ACSM3: variants seen among roughly 807,000 people sequenced by gnomAD.
The protein encoded by ACSM3 is acyl-coenzyme A synthetase ACSM3, mitochondrial.
ACSM3 carries 61 observed loss-of-function variants against 74.1 expected under a neutral mutation model. That is an observed-to-expected ratio of 0.82 (90% CI 0.67 to 1.02). The LOEUF (loss-of-function observed/expected upper bound fraction) is 1.02. Ranked by LOEUF, ACSM3 falls within the 50% of genes least tolerant of loss-of-function variation. The pLI, the probability that ACSM3 is intolerant of heterozygous loss-of-function variation, is 0.00. For synonymous variants in ACSM3, 213 were observed against 241.5 expected (o/e 0.88, Z 1.09); for missense variants, 660 against 697.0 (o/e 0.95, Z 0.60).
chr16:20,678,823 G>A (rs1279530706), intron 1 of ACSM3, among the ~76,000 whole-genome samples: 1 of 152,156 alleles, frequency 6.6e-6, no homozygotes, highest in Non-Finnish European at 1.5e-5. Context: ...CTCATCAAAG[G>A]TAGGATCAGG....
At chr16:20,726,724 T>C (rs1437378358) in intron 1 of ACSM3, among the ~76,000 whole-genome samples, 1 of 152,148 alleles carries the variant, frequency 6.6e-6, no homozygotes, top group African/African-American at 2.4e-5. Context: ...ACTCAAGATA[T>C]CCTTACTAAG....
chr16:20,750,977 T>A (rs1186204173), intron 2 of ACSM3, among the ~76,000 whole-genome samples: 1 of 150,680 alleles, frequency 6.6e-6, no homozygotes, highest in Non-Finnish European at 1.5e-5. Context: ...CCCAAGTAGC[T>A]GGGATTACAG....
At chr16:20,682,209 CACA>C (rs745792892) in intron 1 of ACSM3, 2 of 1,582,202 alleles carry the variant, frequency 1.3e-6, no homozygotes, top group Non-Finnish European at 1.7e-6. Flanking sequence ...TAAATTATCC[CACA>C]ACAACTGTAC....
At chr16:20,738,080 G>GA in intron 1 of ACSM3, 1 of 889,852 alleles carries the variant, frequency 1.1e-6, no homozygotes, top group Non-Finnish European at 1.7e-6. Context: ...AATTTTAAAT[G>GA]AATCTACCTA....
Position 20,770,252 on chromosome 16 carries a change from AG to A in ACSM3, c.219+1del. ...DVLDQWTDKE[K>X]AGKKPSNPAF... The stretch of plus-strand genomic sequence containing the variant: ...CTGGACCAATGGACTGATAAGGAAA[AG>A]GTATGGGGGGAGGGCCAGTCAGACC... On this transcript the variant is annotated frameshift_variant and splice_region_variant, in exon 2 of 14. Coordinates refer to ENST00000289416, the MANE Select transcript of ACSM3 (RefSeq NM_005622.4). LOFTEE classifies it high-confidence loss of function. 1 of 1,613,478 alleles carries A rather than the reference AG, an allele frequency of 6.2e-7. No individual in the cohort carries two copies. Among genetic ancestry groups the A allele is most frequent in the Non-Finnish European group, 8.5e-7 (1 of 1,179,426 alleles).
chr16:20,675,441 A>C (rs1437357716), intron 1 of ACSM3, among the ~76,000 whole-genome samples: 1 of 152,154 alleles, frequency 6.6e-6, no homozygotes, highest in Non-Finnish European at 1.5e-5. Context: ...GTGGCAGGGA[A>C]AGGCACGTTC....
chr16:20,778,501 C>G (rs1245152217), intron 4 of ACSM3, among the ~76,000 whole-genome samples: 1 of 152,172 alleles, frequency 6.6e-6, no homozygotes, highest in Admixed American at 6.5e-5. Context: ...GTGCCAGAAA[C>G]TATTCTAAGG....
chr16:20,676,396 A>C (rs2020278386), intron 1 of ACSM3, among the ~76,000 whole-genome samples: 2 of 152,248 alleles, frequency 1.3e-5, no homozygotes, highest in African/African-American at 2.4e-5. Context: ...AGCACCAGCC[A>C]GTTTTAAGAA....
chr16:20,796,625 A>G, intron 13 of ACSM3, 136 bp downstream of exon 13: 2 of 1,510,150 alleles, frequency 1.3e-6, no homozygotes, highest in Non-Finnish European at 1.8e-6. Context: ...CATATGGGTA[A>G]GAATCAGAAT....
In ACSM3 at chr16:20,713,518, T is replaced by G. The variant is rs182591847; in HGVS notation, c.-189-36392T>G. Among the ~76,000 whole-genome samples, 847 of 152,268 alleles carry G rather than the reference T, an allele frequency of 5.6e-3. 10 individuals carry two copies. The highest frequency in any genetic ancestry group is 0.019 in the African/African-American group (804 of 41,576). ...AAAAAATACAATTGTGCCACTGCAC[T>G]CCAGCCTGGGTGACAGAATGGAACC... On this transcript the variant is annotated intron_variant, in intron 1 of 3. Transcript: ENST00000561584.
At chr16:20,722,958 G>A (rs1019886611) in intron 1 of ACSM3, among the ~76,000 whole-genome samples, 2 of 152,124 alleles carry the variant, frequency 1.3e-5, no homozygotes, top group Non-Finnish European at 2.9e-5. Flanking sequence ...TGTTACATAT[G>A]TATACATGTG....
chr16:20,745,918 A>T (rs1439708179), intron 1 of ACSM3, among the ~76,000 whole-genome samples: 2 of 152,186 alleles, frequency 1.3e-5, no homozygotes, highest in Non-Finnish European at 2.9e-5. Flanking sequence ...GTTACCCAGC[A>T]TCTTCAGGGA....
At chr16:20,741,808 C>T in intron 1 of ACSM3, 6 of 1,543,378 alleles carry the variant, frequency 3.9e-6, no homozygotes, top group Non-Finnish European at 5.2e-6. Flanking sequence ...CTATCGCCGG[C>T]GCGAACTGGT....
Position 20,790,654 on chromosome 16 carries a change from C to A in ACSM3, c.1292C>A (p.Pro431His), listed in dbSNP as rs764482495. The part of the protein sequence containing the change: ...QEGDIGIQVL[P>H]NRPFGLFTHY... ...GGAGATATTGGCATTCAAGTTCTAC[C>A]CAACCGACCATTTGGCCTTTTTACT... is the stretch of plus-strand genomic sequence containing the variant. Residue 431 changes from proline (P) to histidine (H), a missense_variant, in exon 10 of 14, where the codon CCC (proline) becomes CAC (histidine). Transcript: ENST00000289416. The surrounding 1 kb of genome is among the most constrained non-coding windows in gnomAD (Gnocchi z 4.0). 5.6e-6 allele frequency: 9 copies of A among 1,614,046 alleles called. No homozygotes were observed. Among genetic ancestry groups the A allele is most frequent in the Non-Finnish European group, 6.8e-6 (8 of 1,179,976 alleles).
intron 1 of ACSM3, chr16:20,682,182 C>T (rs973040913): frequency 6.8e-7 from 1 of 1,460,510 alleles, no homozygotes; most frequent in Non-Finnish European, 9.5e-7. Flanking sequence ...CTCAACCCCA[C>T]TGGTCTCTCT....
At chr16:20,788,286 CTA>C (rs1250659363) in intron 9 of ACSM3, among the ~76,000 whole-genome samples, 1 of 152,086 alleles carries the variant, frequency 6.6e-6, no homozygotes, top group Non-Finnish European at 1.5e-5. Flanking sequence ...TGTAACACAG[CTA>C]TGTTCTTTTT....
chr16:20,796,280 G>T (rs1049544440), intron 12 of ACSM3, 90 bp from the exon 13 acceptor site: 22 of 1,539,188 alleles, frequency 1.4e-5, no homozygotes, highest in Non-Finnish European at 1.8e-5. Flanking sequence ...ACCCCACCAG[G>T]CATGTAGATT....
chr16:20,691,155 C>G, intron 1 of ACSM3: 1 of 1,610,228 alleles, frequency 6.2e-7, no homozygotes, highest in African/African-American at 1.3e-5. Flanking sequence ...TTGTGGATGC[C>G]CCAGAGGGTC....
chr16:20,730,233 C>T (rs1393918361), intron 1 of ACSM3, among the ~76,000 whole-genome samples: 1 of 152,234 alleles, frequency 6.6e-6, no homozygotes, highest in East Asian at 1.9e-4. Context: ...ACTGCATAAG[C>T]ATATGCAGAT....
Sources: allele counts gnomAD v4.1 joint callset (sites outside exome capture counted in the v4.1 genomes callset), GRCh38; gene constraint gnomAD v4.1.1; non-coding constraint Gnocchi (gnomAD v3.1); transcripts MANE v1.5; gene names NCBI Gene and HGNC (gene_info 2026-07-23, HGNC 2026-07-21).